The following SCML2 variants were observed in gnomAD, a reference collection of about 807,000 sequenced individuals.
The protein encoded by SCML2 is Scm polycomb group protein like 2.
Under a neutral mutation model 48.4 loss-of-function variants are expected in SCML2, and 6 were observed. The ratio of observed to expected loss-of-function variants is 0.12; its 90% CI spans 0.07 to 0.24. The LOEUF (loss-of-function observed/expected upper bound fraction) is 0.24. SCML2 is among the 10% of genes least tolerant of loss of function. The pLI is 1.00. For synonymous variants in SCML2, 181 were observed against 189.5 expected (o/e 0.95, Z 0.37); for missense variants, 377 against 528.2 (o/e 0.71, Z 2.81).
In SCML2 at chrX:18,336,814, T is replaced by C. The variant is rs1804291454; in HGVS notation, c.-24-2719A>G. 3.6e-5 allele frequency among the ~76,000 whole-genome samples: 4 copies of C among 110,155 alleles called. No individual in the cohort carries two copies. In the South Asian group the frequency reaches 1.5e-3, roughly 42 times the overall value. On this transcript the variant is annotated intron_variant, in intron 1 of 14. Transcript: ENST00000251900. ...AAAGCAGACTTAGATTCGTTGTAAA[T>C]GTATATCGCAAATTTTAGGGCAACC... is the stretch of plus-strand genomic sequence containing the variant.
At chrX:18,298,954 A>G (rs1928487929) in intron 7 of SCML2, among the ~76,000 whole-genome samples, 1 of 111,687 alleles carries the variant, frequency 9.0e-6, no homozygotes, top group African/African-American at 3.3e-5. Flanking sequence ...CTAGAAGGAA[A>G]CATAGGAGAA....
chrX:18,349,883 A>G (rs1930319084), intron 1 of SCML2, among the ~76,000 whole-genome samples: 1 of 112,663 alleles, frequency 8.9e-6, no homozygotes. Flanking sequence ...GACAAAATAA[A>G]CAAAATCGCC....
intron 1 of SCML2, among the ~76,000 whole-genome samples, chrX:18,336,855 G>GA (rs1158388526): frequency 2.7e-5 from 3 of 110,354 alleles, no homozygotes; most frequent in African/African-American, 6.6e-5. Context: ...AAAAAAGTGG[G>GA]AAAAAAAAGA....
chrX:18,282,571 G>T (rs1220227276), intron 7 of SCML2, among the ~76,000 whole-genome samples: 1 of 111,516 alleles, frequency 9.0e-6, no homozygotes, highest in Non-Finnish European at 1.9e-5. Context: ...CCAGGAAGTT[G>T]AGGTGGCAGT....
In SCML2 at chrX:18,312,258, T is replaced by G. The variant is rs765442848; in HGVS notation, c.487-7043A>C. Among the ~76,000 whole-genome samples, 4 of 111,441 alleles carry G rather than the reference T, an allele frequency of 3.6e-5. No individual in the cohort carries two copies. The South Asian group carries it at 1.1e-3, about 31-fold the overall frequency. On this transcript the variant is annotated intron_variant, in intron 6 of 14. Transcript: ENST00000251900. The stretch of plus-strand genomic sequence containing the variant: ...GGAGACGGCAAGAAGTGGTTGGATT[T>G]TGGATATACATTTGTCCCTCAGAAT...
At chrX:18,316,324 G>C (rs770226698) in intron 6 of SCML2, among the ~76,000 whole-genome samples, 1 of 112,038 alleles carries the variant, frequency 8.9e-6, no homozygotes, top group East Asian at 2.8e-4. Context: ...GGGAGGCGGA[G>C]GTTGCAGTGA....
intron 6 of SCML2, among the ~76,000 whole-genome samples, chrX:18,317,660 G>A (rs539722583): frequency 2.7e-5 from 3 of 109,421 alleles, no homozygotes; most frequent in South Asian, 7.9e-4. Flanking sequence ...GTGACACCCC[G>A]TCTCTACTAA....
At chrX:18,326,528 A>C (rs1270206353) in intron 3 of SCML2, among the ~76,000 whole-genome samples, 3 of 110,197 alleles carry the variant, frequency 2.7e-5, no homozygotes, top group Non-Finnish European at 5.7e-5. Flanking sequence ...AAAACACAAA[A>C]ATTAGCCGGA....
At chrX:18,316,317 A>T (rs748250024) in intron 6 of SCML2, among the ~76,000 whole-genome samples, 114 of 111,947 alleles carry the variant, frequency 1.0e-3, no homozygotes, top group African/African-American at 3.5e-3. Context: ...TGAACCCGGG[A>T]GGCGGAGGTT....
At chrX:18,257,061 C>A in intron 10 of SCML2, 31 bp from the exon 11 acceptor site, 1 of 1,023,300 alleles carries the variant, frequency 9.8e-7, no homozygotes, top group Non-Finnish European at 1.3e-6. Context: ...ATGTCAGTAA[C>A]CTCAGAGAGA....
intron 7 of SCML2, among the ~76,000 whole-genome samples, chrX:18,279,153 T>C (rs1035380547): frequency 1.3e-4 from 15 of 112,959 alleles, no homozygotes; most frequent in African/African-American, 4.5e-4. Context: ...CTATAGAGCA[T>C]GCCTGTGGAC....
intron 6 of SCML2, among the ~76,000 whole-genome samples, chrX:18,314,954 T>C (rs1929070548): frequency 9.2e-6 from 1 of 108,257 alleles, no homozygotes; most frequent in Admixed American, 9.9e-5. Context: ...TAGCCGGGCG[T>C]GGTGGCAGGT....
At chrX:18,310,260 C>CTTTTTTTTTTTTTTTTTTTT (rs773391164) in intron 6 of SCML2, among the ~76,000 whole-genome samples, 1 of 62,366 alleles carries the variant, frequency 1.6e-5, no homozygotes, top group African/African-American at 6.8e-5. Context: ...AACCACCTCC[C>CTTTTTTTTTTTTTTTTTTTT]TTTTTTTTTT....
chrX:18,285,533 T>C (rs189306399), intron 7 of SCML2, among the ~76,000 whole-genome samples: 9 of 109,679 alleles, frequency 8.2e-5, no homozygotes, highest in African/African-American at 1.7e-4. Flanking sequence ...ATGTGAACAA[T>C]AGATATTGCA....
At chrX:18,354,454 T>C (rs1930478105) in intron 1 of SCML2, 138 bp downstream of exon 1, 2 of 225,801 alleles carry the variant, frequency 8.9e-6, no homozygotes, top group Non-Finnish European at 1.6e-5. Context: ...AGATGGGACA[T>C]AGGCGGGATC....
chrX:18,315,117 A>AG (rs949606092), intron 6 of SCML2, among the ~76,000 whole-genome samples: 1 of 107,765 alleles, frequency 9.3e-6, no homozygotes, highest in African/African-American at 3.4e-5. Context: ...AAAAAAAAAA[A>AG]AAAAAAAAAA....
At chrX:18,270,214 G>C (rs1293977455) in intron 7 of SCML2, among the ~76,000 whole-genome samples, 3 of 109,383 alleles carry the variant, frequency 2.7e-5, no homozygotes, top group Non-Finnish European at 5.7e-5. Flanking sequence ...TTTTAGTAGC[G>C]ACTGGGTTTC....
chrX:18,286,415 T>G (rs1928055963), intron 7 of SCML2, among the ~76,000 whole-genome samples: 4 of 112,165 alleles, frequency 3.6e-5, no homozygotes, highest in South Asian at 7.5e-4. Context: ...CAGTGACCTT[T>G]AGAATCCTCA....
chrX:18,267,882 C>T lies in SCML2; in HGVS notation c.731-2080G>A, dbSNP rs1290958034. The stretch of plus-strand genomic sequence containing the variant: ...GAGTGCTGGGATTACAGGTGTGAGC[C>T]ACTGCGCCCAGCCCTTTTTTGTTTC... On this transcript the variant is annotated intron_variant, in intron 7 of 14. Transcript: ENST00000251900. 8.1e-5 allele frequency among the ~76,000 whole-genome samples: 9 copies of T among 111,257 alleles called. No individual in the cohort carries two copies. The Admixed American group carries it at 8.6e-4, about 11-fold the overall frequency.
Sources: gnomAD v4.1 joint callset for allele counts (sites outside exome capture counted in the v4.1 genomes callset) on GRCh38, gnomAD v4.1.1 for gene constraint, MANE v1.5 for transcripts, NCBI Gene and HGNC (gene_info 2026-07-23, HGNC 2026-07-21) for gene names.